The following GTF2H3 variants were observed in gnomAD, a reference collection of about 807,000 sequenced individuals.
GTF2H3 encodes the protein general transcription factor IIH subunit 3, also known as TFIIH basal transcription factor complex p34 subunit.
GTF2H3 carries 42 observed loss-of-function variants against 51.1 expected under a neutral mutation model. The ratio of observed to expected loss-of-function variants is 0.82; its 90% CI spans 0.64 to 1.06. GTF2H3 has a LOEUF of 1.06. Among genes scored for constraint, GTF2H3 ranks in the 50% least tolerant of loss-of-function variants. The probability of loss-of-function intolerance (pLI) is 0.00; values close to 1 mark genes in which losing one functional copy is unlikely to be tolerated. For synonymous variants in GTF2H3, 123 were observed against 123.8 expected (o/e 0.99, Z 0.04); for missense variants, 326 against 366.1 (o/e 0.89, Z 0.89).
chr12:123,633,958 G>C, intron 1 of GTF2H3, 86 bp downstream of exon 1: 1 of 1,414,616 alleles, frequency 7.1e-7, no homozygotes, highest in Non-Finnish European at 1.0e-6. Context: ...TGTGTCTTTT[G>C]GGCTGGATAG....
chr12:123,654,487 G>A (rs1955559991), intron 7 of GTF2H3, among the ~76,000 whole-genome samples: 1 of 150,766 alleles, frequency 6.6e-6, no homozygotes. Context: ...TGTGTATTTG[G>A]GGTGTGTGTA....
intron 2 of GTF2H3, chr12:123,639,983 C>T (rs144940657): frequency 1.1e-5 from 5 of 455,862 alleles, no homozygotes; most frequent in African/African-American, 8.0e-5. Context: ...CTCAGCCTCC[C>T]GAGTACTTGG....
At chr12:123,641,527 G>GTTTTTTTTTTTTTTTTTTTTTTTTT (rs112546170) in intron 2 of GTF2H3, among the ~76,000 whole-genome samples, 3 of 128,548 alleles carry the variant, frequency 2.3e-5, no homozygotes, top group African/African-American at 1.0e-4. Context: ...GTCTGCCCCC[G>GTTTTTTTTTTTTTTTTTTTTTTTTT]TTTTTTTTTT....
chr12:123,659,673 C>G (rs1955630518), intron 10 of GTF2H3, 89 bp downstream of exon 10: 1 of 1,472,590 alleles, frequency 6.8e-7, no homozygotes, highest in African/African-American at 1.4e-5. Context: ...ATGGCTGGTG[C>G]TAGTACTCAG....
intron 7 of GTF2H3, among the ~76,000 whole-genome samples, chr12:123,654,525 G>A (rs1955560746): frequency 6.6e-6 from 1 of 150,634 alleles, no homozygotes; most frequent in South Asian, 2.1e-4. Context: ...TTTTGGGTGT[G>A]TATTTTGGAG....
intron 9 of GTF2H3, 85 bp from the exon 10 acceptor site, chr12:123,659,431 C>A: frequency 2.2e-6 from 2 of 929,604 alleles, no homozygotes; most frequent in Non-Finnish European, 3.6e-6. Context: ...ATTTTGTAGG[C>A]CCAAGGCATT....
chr12:123,655,657 G>A (rs1318729233), intron 8 of GTF2H3, 114 bp from the exon 9 acceptor site: 15 of 670,822 alleles, frequency 2.2e-5, no homozygotes, highest in Non-Finnish European at 3.2e-5. Flanking sequence ...GCAGAGTCAC[G>A]TTGCATATTG....
At chr12:123,655,340 G>A (rs1018233953) in intron 8 of GTF2H3, among the ~76,000 whole-genome samples, 10 of 152,122 alleles carry the variant, frequency 6.6e-5, no homozygotes, top group Non-Finnish European at 1.0e-4. Flanking sequence ...TTGCTGTGGC[G>A]AAGCTGTAAA....
chr12:123,646,321 A>G (rs1044469656), intron 3 of GTF2H3, among the ~76,000 whole-genome samples: 3 of 146,928 alleles, frequency 2.0e-5, no homozygotes, highest in Admixed American at 7.0e-5. Flanking sequence ...CAGTGGCACT[A>G]TCATGGGTCA....
chr12:123,638,417 CT>C (rs1286618842), intron 1 of GTF2H3, among the ~76,000 whole-genome samples: 6 of 152,240 alleles, frequency 3.9e-5, no homozygotes. Flanking sequence ...GTGATCCCCC[CT>C]CCTTGGCCTT....
chr12:123,648,783 C>T (rs532807664), intron 4 of GTF2H3, among the ~76,000 whole-genome samples: 2 of 152,308 alleles, frequency 1.3e-5, no homozygotes, highest in African/African-American at 4.8e-5. Flanking sequence ...GAAGTGTCTC[C>T]AGAATCCCGC....
chr12:123,636,226 G>A (rs944531167), intron 1 of GTF2H3, among the ~76,000 whole-genome samples: 2 of 152,194 alleles, frequency 1.3e-5, no homozygotes, highest in African/African-American at 4.8e-5. Context: ...TTTGCTGGGT[G>A]GTTGTCAGGG....
intron 9 of GTF2H3, among the ~76,000 whole-genome samples, chr12:123,658,910 A>G (rs916257571): frequency 3.9e-5 from 6 of 152,170 alleles, no homozygotes; most frequent in South Asian, 2.1e-4. Context: ...TTGAACAGCT[A>G]TTTCTCCAAA....
intron 7 of GTF2H3, among the ~76,000 whole-genome samples, chr12:123,654,062 C>T (rs1955552821): frequency 6.6e-6 from 1 of 151,972 alleles, no homozygotes; most frequent in South Asian, 2.1e-4. Flanking sequence ...AAGCAGGTTG[C>T]AGAATGCTAA....
At chr12:123,640,025 ATTGT>A (rs2135780338) in intron 2 of GTF2H3, 1 of 450,486 alleles carries the variant, frequency 2.2e-6, no homozygotes, top group African/African-American at 2.0e-5. Context: ...TGCTCAGCTA[ATTGT>A]TTGTATTTTT....
intron 9 of GTF2H3, 79 bp from the exon 10 acceptor site, chr12:123,659,437 G>A (rs776674162): frequency 4.5e-5 from 44 of 985,842 alleles, no homozygotes; most frequent in Admixed American, 2.5e-4. Context: ...TAGGCCCAAG[G>A]CATTGCTCAT....
At chr12:123,638,507 G>A (rs948524636) in intron 1 of GTF2H3, among the ~76,000 whole-genome samples, 7 of 151,698 alleles carry the variant, frequency 4.6e-5, no homozygotes, top group Non-Finnish European at 8.8e-5. Flanking sequence ...AAGGTTTTGC[G>A]ATATTGCCCA....
intron 1 of GTF2H3, among the ~76,000 whole-genome samples, chr12:123,638,920 C>T (rs1025119805): frequency 1.3e-5 from 2 of 151,856 alleles, no homozygotes; most frequent in Non-Finnish European, 2.9e-5. Context: ...CTCAGCCTCC[C>T]GAGTAGCTGG....
Position 123,648,055 on chromosome 12 carries a change from A to T in GTF2H3, c.293A>T (p.Asp98Val). The change falls in exon 4 of 13, where the codon GAT becomes GTT. Residue 98 changes from aspartate to valine, a missense_variant. By Grantham distance (152) the Asp-to-Val change is radical. Coordinates refer to ENST00000543341, the MANE Select transcript of GTF2H3 (RefSeq NM_001516.5). Reference protein sequence around the residue: ...PPEFNPSGSKDGKYELLTSAN... With the variant: ...PPEFNPSGSKVGKYELLTSAN... ...GAATTTAATCCCTCTGGGAGTAAAG[A>T]TGGAAAATACGAACTTTTAACCTCA... The T allele has an allele frequency of 6.2e-7, 1 of 1,612,082 alleles. No individual in the cohort carries two copies. The highest frequency in any genetic ancestry group is 8.5e-7 in the Non-Finnish European group (1 of 1,178,142).
Sources: allele counts gnomAD v4.1 joint callset (sites outside exome capture counted in the v4.1 genomes callset), GRCh38; gene constraint gnomAD v4.1.1; transcripts MANE v1.5; gene names NCBI Gene and HGNC (gene_info 2026-07-23, HGNC 2026-07-21).